The following CSMD3 variants were observed in gnomAD, a reference collection of about 807,000 sequenced individuals.
CSMD3 encodes the protein CUB and sushi domain-containing protein 3.
Under a neutral mutation model 435.2 loss-of-function variants are expected in CSMD3, and 177 were observed. The ratio of observed to expected loss-of-function variants is 0.41; its 90% CI spans 0.36 to 0.46. The LOEUF (loss-of-function observed/expected upper bound fraction) is 0.46. Among genes scored for constraint, CSMD3 ranks in the 20% least tolerant of loss-of-function variants. The pLI, the probability that CSMD3 is intolerant of heterozygous loss-of-function variation, is 0.34. For synonymous variants in CSMD3, 1,656 were observed against 1,520.5 expected (o/e 1.09, Z -2.07); for missense variants, 4,265 against 4,504.6 (o/e 0.95, Z 1.52).
chr8:112,735,115 C>T (rs1347884385), intron 13 of CSMD3, among the ~76,000 whole-genome samples: 6 of 152,090 alleles, frequency 3.9e-5, no homozygotes, highest in Non-Finnish European at 4.4e-5. Context: ...AAGTGTCCAA[C>T]TCTGAGACAA....
At chr8:113,298,835 G>A (rs1260208774) in intron 2 of CSMD3, among the ~76,000 whole-genome samples, 3 of 152,116 alleles carry the variant, frequency 2.0e-5, no homozygotes, top group Non-Finnish European at 4.4e-5. Context: ...CTGAGGAACA[G>A]GAAGGTAAGA....
At chr8:112,319,466 T>C (rs570808015) in intron 46 of CSMD3, among the ~76,000 whole-genome samples, 2 of 152,158 alleles carry the variant, frequency 1.3e-5, no homozygotes, top group Non-Finnish European at 2.9e-5. Context: ...AGCAACTTTA[T>C]GATTAAATTG....
chr8:112,670,611 T>C (rs957462825), intron 16 of CSMD3, among the ~76,000 whole-genome samples: 1 of 152,180 alleles, frequency 6.6e-6, no homozygotes, highest in African/African-American at 2.4e-5. Context: ...AAAGCATTTA[T>C]TGACGTGCAA....
At chr8:112,430,075 G>A (rs1586296959) in intron 32 of CSMD3, among the ~76,000 whole-genome samples, 1 of 151,940 alleles carries the variant, frequency 6.6e-6, no homozygotes. Flanking sequence ...ATTTAATTTT[G>A]TCCTACACAT....
At chr8:113,407,398 A>C (rs891247140) in intron 1 of CSMD3, among the ~76,000 whole-genome samples, 2 of 152,142 alleles carry the variant, frequency 1.3e-5, no homozygotes, top group Non-Finnish European at 1.5e-5. Flanking sequence ...TTCAGTTATA[A>C]CCTGATTAAA....
intron 68 of CSMD3, among the ~76,000 whole-genome samples, chr8:112,232,702 G>T (rs1201719582): frequency 6.6e-6 from 1 of 152,202 alleles, no homozygotes; most frequent in Non-Finnish European, 1.5e-5. Flanking sequence ...TTTTAAATGG[G>T]TGAATTGTAG....
chr8:112,414,694 G>A (rs1811717038), intron 32 of CSMD3, among the ~76,000 whole-genome samples: 1 of 152,066 alleles, frequency 6.6e-6, no homozygotes, highest in South Asian at 2.1e-4. Context: ...GGAGATGTGG[G>A]AAAGTTTGGA....
chr8:112,750,422 G>A (rs192918121), intron 13 of CSMD3, among the ~76,000 whole-genome samples: 1 of 152,066 alleles, frequency 6.6e-6, no homozygotes, highest in Admixed American at 6.5e-5. Context: ...GCTTTCATAT[G>A]CCAGGAGAAA....
chr8:113,014,288 A>G (rs2086369002), intron 6 of CSMD3, among the ~76,000 whole-genome samples: 1 of 152,120 alleles, frequency 6.6e-6, no homozygotes, highest in Non-Finnish European at 1.5e-5. Flanking sequence ...TATTTGTTAT[A>G]TAACAATTAT....
In CSMD3 at chr8:112,518,971, A is replaced by T. The variant is rs1282477483; in HGVS notation, c.4565-1746T>A. Among the ~76,000 whole-genome samples the T allele has an allele frequency of 2.6e-5, 4 of 152,164 alleles. No homozygotes were observed. The East Asian group carries it at 7.8e-4, about 30-fold the overall frequency. Reference sequence around the variant, plus strand: ...TTTCAAATAACCAGATCTCATGAGAACACACTCTCTATCAAGAGAAGAGCA... The same window carrying T: ...TTTCAAATAACCAGATCTCATGAGATCACACTCTCTATCAAGAGAAGAGCA... On this transcript the variant is annotated intron_variant, in intron 27 of 70. Coordinates refer to ENST00000297405, the MANE Select transcript of CSMD3 (RefSeq NM_198123.2).
At chr8:112,921,883 G>T in intron 9 of CSMD3, 132 bp from the exon 10 acceptor site, 1 of 704,464 alleles carries the variant, frequency 1.4e-6, no homozygotes, top group Non-Finnish European at 2.5e-6. Flanking sequence ...AAAACAAAAT[G>T]TGAAAGTATG....
At chr8:113,391,045 A>G (rs1040084804) in intron 1 of CSMD3, among the ~76,000 whole-genome samples, 2 of 152,014 alleles carry the variant, frequency 1.3e-5, no homozygotes, top group Non-Finnish European at 2.9e-5. Context: ...CACTGGAGAA[A>G]TAGAAACTGC....
chr8:112,283,877 A>G (rs1442851911), intron 58 of CSMD3, among the ~76,000 whole-genome samples: 1 of 151,862 alleles, frequency 6.6e-6, no homozygotes, highest in Non-Finnish European at 1.5e-5. Flanking sequence ...ACATTTCAAA[A>G]TAGCTAGAAG....
intron 32 of CSMD3, among the ~76,000 whole-genome samples, chr8:112,443,554 C>A (rs957538295): frequency 6.6e-6 from 1 of 152,026 alleles, no homozygotes; most frequent in East Asian, 1.9e-4. Context: ...ATTTCTTGGT[C>A]AAAGATGTTA....
At chr8:112,392,650 T>G (rs1374420646) in intron 35 of CSMD3, among the ~76,000 whole-genome samples, 1 of 151,616 alleles carries the variant, frequency 6.6e-6, no homozygotes, top group Non-Finnish European at 1.5e-5. Flanking sequence ...GCCACAACTT[T>G]TCCTCATACG....
At chr8:112,954,782 A>G in intron 7 of CSMD3, 21 bp from the exon 8 acceptor site, 1 of 1,293,180 alleles carries the variant, frequency 7.7e-7, no homozygotes, top group South Asian at 1.2e-5. Flanking sequence ...AAACAAACAA[A>G]AACATGTATC....
At chr8:112,346,256 T>C (rs1825660331) in intron 40 of CSMD3, 43 bp from the exon 41 acceptor site, 1 of 1,099,632 alleles carries the variant, frequency 9.1e-7, no homozygotes, top group Non-Finnish European at 1.4e-6. Context: ...AGTAGAGGAA[T>C]AATTTACTGT....
chr8:112,359,383 A>C (rs1413711096), intron 38 of CSMD3, among the ~76,000 whole-genome samples: 1 of 152,114 alleles, frequency 6.6e-6, no homozygotes, highest in South Asian at 2.1e-4. Context: ...TAATTGTGCA[A>C]TTAATTGTTC....
intron 9 of CSMD3, among the ~76,000 whole-genome samples, chr8:112,936,359 C>G (rs2130738445): frequency 6.6e-6 from 1 of 152,138 alleles, no homozygotes; most frequent in South Asian, 2.1e-4. Context: ...TGCTTCTTCA[C>G]TTTGTCCAAG....
Sources: allele counts gnomAD v4.1 joint callset (sites outside exome capture counted in the v4.1 genomes callset), GRCh38; gene constraint gnomAD v4.1.1; transcripts MANE v1.5; gene names NCBI Gene and HGNC (gene_info 2026-07-23, HGNC 2026-07-21).